PCDHA4: variants seen among roughly 807,000 people sequenced by gnomAD.
PCDHA4 encodes the protein protocadherin alpha-4.
A neutral mutation model predicts 61.4 loss-of-function variants in PCDHA4; 49 were observed. That is an observed-to-expected ratio of 0.80 (90% CI 0.63 to 1.01). The LOEUF is 1.01. PCDHA4 is among the 50% of genes least tolerant of loss of function. PCDHA4 has a pLI of 0.00. For synonymous variants in PCDHA4, 590 were observed against 550.3 expected (o/e 1.07, Z -1.01); for missense variants, 1,254 against 1,235.8 (o/e 1.01, Z -0.22).
chr5:140,836,158 C>T, intron 1 of PCDHA4: 2 of 1,613,784 alleles, frequency 1.2e-6, no homozygotes, highest in Non-Finnish European at 1.7e-6. Context: ...CATGTGGTGG[C>T]GAAGGTACGT....
intron 3 of PCDHA4, among the ~76,000 whole-genome samples, chr5:140,992,192 C>T (rs2097497943): frequency 6.6e-6 from 1 of 152,124 alleles, no homozygotes; most frequent in Admixed American, 6.5e-5. Flanking sequence ...TTTCAGTGAT[C>T]TATCCAATCA....
intron 3 of PCDHA4, among the ~76,000 whole-genome samples, chr5:140,992,594 G>A (rs782416770): frequency 2.6e-5 from 4 of 152,148 alleles, no homozygotes; most frequent in Non-Finnish European, 2.9e-5. Flanking sequence ...TGCATCTAGC[G>A]TCTGTGTCTA....
chr5:140,901,712 GAT>G lies in PCDHA4; in HGVS notation c.2386-77236_2386-77235del, dbSNP rs1187367855. Among the ~76,000 whole-genome samples, 6 of 152,218 alleles carry G rather than the reference GAT, an allele frequency of 3.9e-5. No homozygotes were observed. In the East Asian group the frequency reaches 9.6e-4, roughly 24 times the overall value. ...TTTTGTAGTTCTATATACATTTTCA[GAT>G]TGTCTTTTCTATTTCTGTGAAGAAT... On this transcript the variant is annotated intron_variant, in intron 1 of 3. Coordinates refer to ENST00000530339, the MANE Select transcript of PCDHA4 (RefSeq NM_018907.4).
intron 1 of PCDHA4, chr5:140,822,221 C>A (rs2150114637): frequency 6.2e-7 from 1 of 1,614,218 alleles, no homozygotes; most frequent in Non-Finnish European, 8.5e-7. Context: ...ATGCCAGATT[C>A]GCGGTTTCCG....
chr5:140,906,120 A>C (rs1554192404), intron 1 of PCDHA4, among the ~76,000 whole-genome samples: 1 of 152,134 alleles, frequency 6.6e-6, no homozygotes, highest in East Asian at 1.9e-4. Flanking sequence ...CCACTGACAC[A>C]AATGTTAGTC....
At position 140,869,840 on chromosome 5, in the gene PCDHA4, A is replaced by T. The variant is rs782569950; in HGVS notation, c.2385+60268A>T. 9 of 1,611,616 alleles carry T rather than the reference A, an allele frequency of 5.6e-6. No homozygotes were observed. The Admixed American group carries it at 1.5e-4, about 27-fold the overall frequency. On this transcript the variant is annotated intron_variant, in intron 1 of 3. Transcript: ENST00000530339. The stretch of plus-strand genomic sequence containing the variant: ...AATGATCCAGAGTTTGATAAATCAG[A>T]ATATAAGGTGAGCCTTATGGAAAAT...
intron 1 of PCDHA4, among the ~76,000 whole-genome samples, chr5:140,819,677 T>C (rs2150104870): frequency 6.6e-6 from 1 of 152,220 alleles, no homozygotes; most frequent in South Asian, 2.1e-4. Context: ...TTGATCACTG[T>C]AGCACAAATG....
intron 3 of PCDHA4, among the ~76,000 whole-genome samples, chr5:141,000,094 C>G (rs782020096): frequency 1.3e-5 from 2 of 152,128 alleles, no homozygotes; most frequent in Non-Finnish European, 2.9e-5. Flanking sequence ...GTGAATGGAG[C>G]TCAACTCCGT....
At chr5:141,001,985 GAAGTTC>G in intron 3 of PCDHA4, among the ~76,000 whole-genome samples, 1 of 152,312 alleles carries the variant, frequency 6.6e-6, no homozygotes, top group Admixed American at 6.5e-5. Context: ...GGAAAGCCTG[GAAGTTC>G]ACTTGCAAAC....
At chr5:140,884,301 C>G (rs375535055) in intron 1 of PCDHA4, 2 of 1,613,726 alleles carry the variant, frequency 1.2e-6, no homozygotes, top group South Asian at 1.1e-5. Context: ...GCGCCACAGG[C>G]TTCGTCGAGG....
At position 140,946,631 on chromosome 5, in the gene PCDHA4, T is replaced by TATATATATATACAC. The variant is rs57893927; in HGVS notation, c.2386-32317_2386-32316insTATATATATACACA. Among the ~76,000 whole-genome samples, 93 of 131,838 alleles carry TATATATATATACAC rather than the reference T, an allele frequency of 7.1e-4. 3 individuals carry two copies. Among genetic ancestry groups the TATATATATATACAC allele is most frequent in the East Asian group, 2.3e-3 (11 of 4,866 alleles). 86.5% of individuals were successfully genotyped at this position (131,838 alleles called of 152,430 possible). A position where few individuals can be genotyped will look rare whatever the true frequency, so the allele number is the denominator to read the frequency against. ...TGTGAAATATATATATATATATATA[T>TATATATATATACAC]ACAATGGAATACTCATCAGCCATTA... On this transcript the variant is annotated intron_variant, in intron 1 of 3. Transcript: ENST00000530339.
chr5:140,870,572 C>T (rs782477275), intron 1 of PCDHA4: 1 of 1,613,946 alleles, frequency 6.2e-7, no homozygotes, highest in Non-Finnish European at 8.5e-7. Context: ...GCGCTGGTGT[C>T]CTACTCGCTG....
intron 1 of PCDHA4, among the ~76,000 whole-genome samples, chr5:140,972,752 C>A (rs1332478312): frequency 1.3e-5 from 2 of 151,214 alleles, no homozygotes; most frequent in Non-Finnish European, 2.9e-5. Context: ...CAACCTCCGC[C>A]TCCCAAGTTA....
chr5:140,919,120 C>G (rs1554198933), intron 1 of PCDHA4, among the ~76,000 whole-genome samples: 2 of 152,008 alleles, frequency 1.3e-5, no homozygotes, highest in African/African-American at 4.8e-5. Context: ...CCAGTTTTTG[C>G]TTCATGTGTT....
At chr5:140,837,457 C>T (rs1554136474) in intron 1 of PCDHA4, among the ~76,000 whole-genome samples, 2 of 151,816 alleles carry the variant, frequency 1.3e-5, no homozygotes, top group Non-Finnish European at 2.9e-5. Context: ...AAAAAATCTC[C>T]TTGCCTCCTC....
intron 1 of PCDHA4, chr5:140,865,257 T>G (rs1250591902): frequency 6.6e-6 from 1 of 152,240 alleles, no homozygotes; most frequent in Non-Finnish European, 1.5e-5. Flanking sequence ...TGTAAGGATG[T>G]GTATCAAATT....
Position 140,808,439 on chromosome 5 carries a change from G to T in PCDHA4, c.1252G>T (p.Val418Leu). 1 of 1,614,184 alleles carries T rather than the reference G, an allele frequency of 6.2e-7. No individual in the cohort carries two copies. The highest frequency in any genetic ancestry group is 8.5e-7 in the Non-Finnish European group (1 of 1,180,046). The change falls in exon 1 of 4, where the codon GTG becomes TTG. Residue 418 changes from valine (V) to leucine (L), a missense_variant. Coordinates refer to ENST00000530339, the MANE Select transcript of PCDHA4 (RefSeq NM_018907.4). ...VLDSALDRES[V>L]SAYELVVTAR... is the part of the protein sequence containing the mutation. ...GGACAGTGCCCTGGACCGCGAGAGC[G>T]TGTCAGCCTATGAGCTGGTGGTGAC... is the stretch of plus-strand genomic sequence containing the variant.
At chr5:140,998,721 C>T (rs987484967) in intron 3 of PCDHA4, among the ~76,000 whole-genome samples, 3 of 152,084 alleles carry the variant, frequency 2.0e-5, no homozygotes, top group Non-Finnish European at 2.9e-5. Context: ...TGCACCACCA[C>T]GCTAGGCTAA....
At position 140,807,519 on chromosome 5, in the gene PCDHA4, A is replaced by C; in HGVS notation, c.332A>C (p.Asp111Ala). Reference sequence around the variant, plus strand: ...AGCATCCACCTGGAGGTGATCGTAGACAGGCCGCTGCAGGTTTTCCATGTG... The same window carrying C: ...AGCATCCACCTGGAGGTGATCGTAGCCAGGCCGCTGCAGGTTTTCCATGTG... ...ECSIHLEVIV[D>A]RPLQVFHVDV... Residue 111 changes from aspartate to alanine, a missense_variant, in exon 1 of 4, where the codon GAC becomes GCC. Transcript: ENST00000530339. The C allele has an allele frequency of 6.2e-7, 1 of 1,614,094 alleles. No homozygotes were observed. The highest frequency in any genetic ancestry group is 8.5e-7 in the Non-Finnish European group (1 of 1,179,990).
Sources: allele counts gnomAD v4.1 joint callset (sites outside exome capture counted in the v4.1 genomes callset), GRCh38; gene constraint gnomAD v4.1.1; transcripts MANE v1.5; gene names NCBI Gene and HGNC (gene_info 2026-07-23, HGNC 2026-07-21).